AFG2A: variants seen among roughly 807,000 people sequenced by gnomAD.
AFG2A encodes ATPase family gene 2 protein homolog A.
At chr4:123,313,821 TTA>T in the AFG2A span, 16 of 1,377,904 alleles carry the variant, frequency 1.2e-5, no homozygotes, top group Non-Finnish European at 1.5e-5. Context: ...ATTTGGAATA[TTA>T]TGTTTCTAAA....
At chr4:123,165,356 A>G in the AFG2A span, among the ~76,000 whole-genome samples, 2 of 152,112 alleles carry the variant, frequency 1.3e-5, no homozygotes, top group African/African-American at 4.8e-5. Context: ...TGCTTAAATA[A>G]TTCATGAATT....
chr4:122,949,512 G>C, the AFG2A span, among the ~76,000 whole-genome samples: 1 of 152,188 alleles, frequency 6.6e-6, no homozygotes, highest in East Asian at 1.9e-4. Flanking sequence ...CGCAGACCCA[G>C]CAGTCTGTTT....
the AFG2A span, among the ~76,000 whole-genome samples, chr4:122,954,212 T>C: frequency 3.3e-5 from 5 of 152,122 alleles, no homozygotes; most frequent in East Asian, 5.8e-4. Flanking sequence ...TGGCATGCGA[T>C]GTATGCCATT....
the AFG2A span, among the ~76,000 whole-genome samples, chr4:123,093,469 ATTGAGC>A: frequency 6.6e-6 from 1 of 152,190 alleles, no homozygotes; most frequent in Non-Finnish European, 1.5e-5. Context: ...GCCAATGAGC[ATTGAGC>A]GCAGCTAGAG....
chr4:123,111,370 A>G, the AFG2A span, among the ~76,000 whole-genome samples: 1 of 152,216 alleles, frequency 6.6e-6, no homozygotes, highest in African/African-American at 2.4e-5. Flanking sequence ...TAGAATGATG[A>G]ACATGATTCA....
chr4:123,157,646 CG>C, the AFG2A span, among the ~76,000 whole-genome samples: 1 of 152,072 alleles, frequency 6.6e-6, no homozygotes, highest in Non-Finnish European at 1.5e-5. Flanking sequence ...TGAGCGTGTT[CG>C]GGGTGGTATG....
chr4:122,970,494 C>T, the AFG2A span, among the ~76,000 whole-genome samples: 36 of 142,934 alleles, frequency 2.5e-4, no homozygotes, highest in African/African-American at 5.7e-4. Flanking sequence ...TTTTTTGAGA[C>T]GGAATCTCAC....
At chr4:123,052,792 A>G in the AFG2A span, among the ~76,000 whole-genome samples, 9 of 152,174 alleles carry the variant, frequency 5.9e-5, no homozygotes, top group African/African-American at 1.9e-4. Context: ...TTGGCCATCT[A>G]TAAGCTGAGG....
At chr4:123,173,571 G>A in the AFG2A span, among the ~76,000 whole-genome samples, 1 of 151,858 alleles carries the variant, frequency 6.6e-6, no homozygotes, top group Non-Finnish European at 1.5e-5. Flanking sequence ...GGCCAGGCTG[G>A]TCTCAAACTC....
the AFG2A span, among the ~76,000 whole-genome samples, chr4:122,939,075 CTTTTTTTTTTTTTTTTT>C: frequency 2.0e-5 from 2 of 102,226 alleles, no homozygotes; most frequent in African/African-American, 7.1e-5. Context: ...TATGTTCTTT[CTTTTTTTTTTTTTTTTT>C]TTTTTTTTTG....
At chr4:122,957,775 G>T in the AFG2A span, among the ~76,000 whole-genome samples, 1 of 152,068 alleles carries the variant, frequency 6.6e-6, no homozygotes, top group Non-Finnish European at 1.5e-5. Flanking sequence ...CCTTGGGCAG[G>T]TGCAAGCAGT....
the AFG2A span, among the ~76,000 whole-genome samples, chr4:122,930,235 A>C: frequency 6.6e-6 from 1 of 152,214 alleles, no homozygotes; most frequent in East Asian, 1.9e-4. Flanking sequence ...TAGTTAAGGT[A>C]TATCATCCAT....
chr4:122,929,237 G>A, the AFG2A span: 1 of 1,507,040 alleles, frequency 6.6e-7, no homozygotes, highest in African/African-American at 1.4e-5. Flanking sequence ...GATCAAAGCT[G>A]CCCAGTAGAA....
chr4:123,083,304 C>T, the AFG2A span, among the ~76,000 whole-genome samples: 2 of 152,024 alleles, frequency 1.3e-5, no homozygotes, highest in African/African-American at 4.8e-5. Flanking sequence ...AAGTTCTGCT[C>T]TATTCCTGGT....
At chr4:122,994,244 T>G in the AFG2A span, among the ~76,000 whole-genome samples, 1 of 152,182 alleles carries the variant, frequency 6.6e-6, no homozygotes, top group African/African-American at 2.4e-5. Flanking sequence ...ATGCCTATAA[T>G]AGTACTGTGC....
the AFG2A span, chr4:122,935,939 G>A: frequency 2.2e-6 from 3 of 1,342,378 alleles, no homozygotes; most frequent in African/African-American, 1.5e-5. Flanking sequence ...GTGATATTTT[G>A]TACACTGAAA....
chr4:123,122,742 A>G, the AFG2A span, among the ~76,000 whole-genome samples: 3 of 151,782 alleles, frequency 2.0e-5, no homozygotes, highest in Non-Finnish European at 2.9e-5. Context: ...AATGGAATAG[A>G]AAACTACTTT....
chr4:123,316,932 G>C, the AFG2A span: 1 of 152,138 alleles, frequency 6.6e-6, no homozygotes, highest in South Asian at 2.1e-4. Flanking sequence ...TTTTTTAAAA[G>C]AGGCCTCTCT....
At chr4:123,017,036 C>G in the AFG2A span, among the ~76,000 whole-genome samples, 1 of 152,032 alleles carries the variant, frequency 6.6e-6, no homozygotes, top group African/African-American at 2.4e-5. Flanking sequence ...GCAGGAGAAT[C>G]AGGCAGGGAG....
Sources: allele counts gnomAD v4.1 joint callset (sites outside exome capture counted in the v4.1 genomes callset), GRCh38; gene constraint gnomAD v4.1.1; transcripts MANE v1.5; gene names NCBI Gene and HGNC (gene_info 2026-07-23, HGNC 2026-07-21).